ANKRD12: variants seen among roughly 807,000 people sequenced by gnomAD.
ANKRD12 encodes the protein ankyrin repeat domain 12, also known as ankyrin repeat domain-containing protein 12.
A neutral mutation model predicts 183.4 loss-of-function variants in ANKRD12; 85 were observed. The ratio of observed to expected loss-of-function variants is 0.46; its 90% CI spans 0.39 to 0.56. The LOEUF (loss-of-function observed/expected upper bound fraction) is 0.56, where lower values mean the gene tolerates loss of function less well. Ranked by LOEUF, ANKRD12 falls within the 20% of genes least tolerant of loss-of-function variation. The pLI is 0.00. For missense variants in ANKRD12, 2,405 were observed against 2,357.1 expected, an observed-to-expected ratio of 1.02 and a Z score of -0.42; for synonymous variants, 914 against 800.2, an observed-to-expected ratio of 1.14 and a Z score of -2.40.
At chr18:9,211,960 C>T (rs1292579710) in intron 6 of ANKRD12, among the ~76,000 whole-genome samples, 176 bp downstream of exon 6, 3 of 151,994 alleles carry the variant, frequency 2.0e-5, no homozygotes, top group African/African-American at 4.8e-5. Context: ...ACTACAATTC[C>T]ATGTCAATAA....
At chr18:9,228,637 TG>T (rs2036862091) in intron 8 of ANKRD12, among the ~76,000 whole-genome samples, 1 of 152,192 alleles carries the variant, frequency 6.6e-6, no homozygotes, top group Admixed American at 6.5e-5. Flanking sequence ...CCAAGTCCTT[TG>T]CCCATTTTTT....
At position 9,282,628 on chromosome 18, in the gene ANKRD12, T is replaced by G. The variant is rs2040142156; in HGVS notation, c.*1502T>G. 6.6e-6 allele frequency: 1 copy of G among 152,596 alleles called. No homozygotes were observed. Among genetic ancestry groups the G allele is most frequent in the Non-Finnish European group, 1.5e-5 (1 of 67,990 alleles). The allele number at this position is 152,596 out of a possible 1,614,324, so 9.5% of individuals were successfully genotyped here. A position where few individuals can be genotyped will look rare whatever the true frequency, so the allele number is the denominator to read the frequency against. ...ATATGAGGTAAAATTTGCAAAACTTTCCACAGTACTTTCTTGAATTATAAT... is the reference window on the plus strand; with the variant it reads ...ATATGAGGTAAAATTTGCAAAACTTGCCACAGTACTTTCTTGAATTATAAT... On this transcript the variant is annotated 3_prime_UTR_variant, in exon 13 of 13. Coordinates refer to ENST00000262126, the MANE Select transcript of ANKRD12 (RefSeq NM_015208.5).
chr18:9,246,901 A>G (rs993851724), intron 8 of ANKRD12, among the ~76,000 whole-genome samples: 1 of 152,174 alleles, frequency 6.6e-6, no homozygotes, highest in African/African-American at 2.4e-5. Context: ...CAGAGCAGAG[A>G]TTTGAACCTA....
intron 1 of ANKRD12, among the ~76,000 whole-genome samples, chr18:9,149,802 T>TTA (rs1568221357): frequency 7.6e-6 from 1 of 131,472 alleles, no homozygotes; most frequent in Non-Finnish European, 1.7e-5. Context: ...AATTTTATTT[T>TTA]TTTTTTTTTT....
chr18:9,188,943 T>TG (rs2034282718), intron 2 of ANKRD12, among the ~76,000 whole-genome samples: 3 of 152,200 alleles, frequency 2.0e-5, no homozygotes, highest in Admixed American at 1.3e-4. Flanking sequence ...CTCTAAGTAT[T>TG]CAAGTGAAGA....
rs773421568 is a variant in ANKRD12, at chr18:9,254,955, C to T, written c.1688C>T (p.Thr563Ile). Residue 563 changes from threonine (T) to isoleucine (I), a missense_variant, in exon 9 of 13, where the codon ACT becomes ATT. Thr to Ile is a moderately conservative substitution (Grantham distance 89, BLOSUM62 -1). This residue lies in a region of ANKRD12 where 1,983 missense variants were observed against 1,725.9 expected (regional missense o/e 1.15). Transcript: ENST00000262126. ...TCAACACCACTAAAACAAGAACATA[C>T]TAAAACATGTTTATCACCAGGAAGT... Reference protein sequence around the residue: ...KQSTPLKQEHTKTCLSPGSSE... With the variant: ...KQSTPLKQEHIKTCLSPGSSE... The T allele has an allele frequency of 1.9e-6, 3 of 1,606,460 alleles. No homozygotes were observed. The Admixed American group carries it at 5.1e-5, about 27-fold the overall frequency.
At chr18:9,188,136 A>C (rs56903094) in intron 2 of ANKRD12, among the ~76,000 whole-genome samples, 1,588 of 152,340 alleles carry the variant, frequency 0.01, 37 homozygotes, top group African/African-American at 0.036. Context: ...AATATTTGCT[A>C]TTCAGCAATA....
intron 3 of ANKRD12, among the ~76,000 whole-genome samples, chr18:9,203,407 A>G (rs1290003929): frequency 6.6e-6 from 1 of 152,184 alleles, no homozygotes; most frequent in African/African-American, 2.4e-5. Flanking sequence ...GATCCTGGAA[A>G]AAAGTTTGAC....
At chr18:9,191,270 A>C (rs2034438437) in intron 2 of ANKRD12, among the ~76,000 whole-genome samples, 1 of 152,162 alleles carries the variant, frequency 6.6e-6, no homozygotes, top group Non-Finnish European at 1.5e-5. Flanking sequence ...GAGTATTTCT[A>C]CTCTTTGGTA....
At chr18:9,277,847 T>C (rs1018716640) in intron 11 of ANKRD12, among the ~76,000 whole-genome samples, 1 of 152,162 alleles carries the variant, frequency 6.6e-6, no homozygotes, top group African/African-American at 2.4e-5. Flanking sequence ...AAAAAATAAA[T>C]GCGTTTTCCT....
At position 9,221,771 on chromosome 18, in the gene ANKRD12, A is replaced by G. The variant is rs770623250; in HGVS notation, c.796-81A>G. On this transcript the variant is annotated intron_variant, in intron 7 of 12. Transcript: ENST00000262126. ...TAAATGAGGTAACACTCAGAAGGAT[A>G]CTATGAGTATTATCAAGAGAATGGG... The G allele has an allele frequency of 6.6e-6, 9 of 1,369,300 alleles. No homozygotes were observed. The Admixed American group carries it at 1.8e-4, about 27-fold the overall frequency. 84.8% of individuals were successfully genotyped at this position (1,369,300 alleles called of 1,614,324 possible).
intron 8 of ANKRD12, among the ~76,000 whole-genome samples, chr18:9,243,144 CAT>C (rs2037757145): frequency 1.3e-5 from 2 of 152,188 alleles, no homozygotes; most frequent in African/African-American, 2.4e-5. Flanking sequence ...GTTTAGGCAA[CAT>C]AAATAACAGT....
chr18:9,153,159 T>A, intron 1 of ANKRD12, among the ~76,000 whole-genome samples: 1 of 152,194 alleles, frequency 6.6e-6, no homozygotes, highest in East Asian at 1.9e-4. Flanking sequence ...ATTATTTGAG[T>A]GCCTACTCAA....
chr18:9,235,950 C>CTT (rs538115467), intron 8 of ANKRD12: 69 of 166,822 alleles, frequency 4.1e-4, no homozygotes, highest in South Asian at 1.4e-3. Context: ...TATTGAGGGA[C>CTT]TTTTTTTTTT....
At chr18:9,163,064 T>C (rs2031639343) in intron 1 of ANKRD12, among the ~76,000 whole-genome samples, 1 of 152,206 alleles carries the variant, frequency 6.6e-6, no homozygotes, top group Non-Finnish European at 1.5e-5. Context: ...CATTTGTCAA[T>C]TTTTGCTTTT....
At chr18:9,249,409 C>A (rs145677917) in intron 8 of ANKRD12, among the ~76,000 whole-genome samples, 1 of 152,308 alleles carries the variant, frequency 6.6e-6, no homozygotes, top group East Asian at 1.9e-4. Flanking sequence ...AGCACTTACT[C>A]ATCTAGAATA....
Position 9,257,251 on chromosome 18 carries a change from AGAG to A in ANKRD12, c.3985_3987del (p.Glu1329del), listed in dbSNP as rs758196424. The A allele has an allele frequency of 6.2e-7, 1 of 1,614,160 alleles. No homozygotes were observed. Among genetic ancestry groups the A allele is most frequent in the South Asian group, 1.1e-5 (1 of 91,086 alleles). On this transcript the variant is annotated inframe_deletion, in exon 9 of 13. Transcript: ENST00000262126. ...CCAAACAATTCCAAACAATATCAGA[AGAG>A]AGCAATCAAGGTAGCTTATTAACTG...
intron 1 of ANKRD12, among the ~76,000 whole-genome samples, chr18:9,142,706 A>G (rs191358691): frequency 8.6e-5 from 13 of 152,040 alleles, no homozygotes; most frequent in African/African-American, 3.1e-4. Context: ...ACATGGTGAA[A>G]CCCCCTCTCT....
intron 1 of ANKRD12, among the ~76,000 whole-genome samples, chr18:9,146,472 C>T (rs949427226): frequency 6.6e-6 from 1 of 152,104 alleles, no homozygotes; most frequent in Non-Finnish European, 1.5e-5. Context: ...TGCTTGAGGC[C>T]AGGAGTTTGA....
Sources: gnomAD v4.1 joint callset for allele counts (sites outside exome capture counted in the v4.1 genomes callset) on GRCh38, gnomAD v4.1.1 for gene constraint, gnomAD v4.1.1 regional missense constraint, MANE v1.5 for transcripts, NCBI Gene and HGNC (gene_info 2026-07-23, HGNC 2026-07-21) for gene names.